NGEF: variants seen among roughly 807,000 people sequenced by gnomAD.
NGEF encodes the protein ephexin-1.
Under a neutral mutation model 80.9 loss-of-function variants are expected in NGEF, and 31 were observed. That is an observed-to-expected ratio of 0.38 (90% CI 0.29 to 0.52). The LOEUF (loss-of-function observed/expected upper bound fraction) is 0.52. Among genes scored for constraint, NGEF ranks in the 20% least tolerant of loss-of-function variants. The probability of loss-of-function intolerance (pLI) is 0.84; values close to 1 mark genes in which losing one functional copy is unlikely to be tolerated. For synonymous variants in NGEF, 371 were observed against 370.2 expected, an observed-to-expected ratio of 1.00 and a Z score of -0.03; for missense variants, 709 against 926.2, an observed-to-expected ratio of 0.77 and a Z score of 3.04.
Position 232,891,292 on chromosome 2 carries a change from G to A in NGEF, c.1272+66C>T, listed in dbSNP as rs147759375. On this transcript the variant is annotated intron_variant, in intron 8 of 14. Coordinates refer to ENST00000264051, the MANE Select transcript of NGEF (RefSeq NM_019850.3). Reference sequence around the variant, plus strand: ...AGTAGACCTCCTAGAAAGCTGACAGGGCCCGGGAATGACCACAGCAAAGCC... The same window carrying A: ...AGTAGACCTCCTAGAAAGCTGACAGAGCCCGGGAATGACCACAGCAAAGCC... 4.4e-6 allele frequency: 7 copies of A among 1,591,660 alleles called. No homozygotes were observed. In the East Asian group the frequency reaches 1.6e-4, roughly 36 times the overall value.
At chr2:232,935,316 T>A (rs1693306788) in intron 3 of NGEF, among the ~76,000 whole-genome samples, 1 of 152,140 alleles carries the variant, frequency 6.6e-6, no homozygotes, top group African/African-American at 2.4e-5. Context: ...ACCAAAGGGT[T>A]AAATTAGAAA....
chr2:232,967,795 T>A (rs1694096992), intron 3 of NGEF, among the ~76,000 whole-genome samples: 2 of 152,082 alleles, frequency 1.3e-5, no homozygotes, highest in South Asian at 4.2e-4. Context: ...CACCTTGTCC[T>A]AGGATTCTGC....
chr2:232,959,490 A>G (rs924803916), intron 3 of NGEF, among the ~76,000 whole-genome samples: 2 of 152,198 alleles, frequency 1.3e-5, no homozygotes, highest in African/African-American at 4.8e-5. Flanking sequence ...AACAGTGTGG[A>G]AATGGGACAT....
intron 8 of NGEF, among the ~76,000 whole-genome samples, chr2:232,890,398 G>A (rs550788092): frequency 1.7e-4 from 26 of 152,246 alleles, no homozygotes; most frequent in African/African-American, 5.1e-4. Flanking sequence ...GCCTGGCTGC[G>A]TCCCTGAGTT....
intron 3 of NGEF, among the ~76,000 whole-genome samples, chr2:232,933,119 TAAATAAATA>T (rs2106290236): frequency 6.9e-6 from 1 of 144,644 alleles, no homozygotes; most frequent in South Asian, 2.2e-4. Context: ...CAAAAATAAA[TAAATAAATA>T]AATAAATAAA....
intron 5 of NGEF, among the ~76,000 whole-genome samples, chr2:232,912,638 C>A (rs1456939510): frequency 6.6e-6 from 1 of 152,066 alleles, no homozygotes; most frequent in Non-Finnish European, 1.5e-5. Context: ...ACTTATGGGC[C>A]TACAGATGGC....
At chr2:232,915,095 T>A (rs564737464) in intron 5 of NGEF, among the ~76,000 whole-genome samples, 31 of 152,058 alleles carry the variant, frequency 2.0e-4, no homozygotes, top group African/African-American at 7.2e-4. Context: ...CCAGCCTAAG[T>A]AACCCCAGAC....
intron 4 of NGEF, among the ~76,000 whole-genome samples, chr2:232,922,118 A>G (rs1003657417): frequency 2.6e-5 from 4 of 152,242 alleles, no homozygotes; most frequent in African/African-American, 9.6e-5. Flanking sequence ...CTATGAGACA[A>G]AGATGATTCC....
At chr2:232,982,792 G>C (rs984263294) in intron 1 of NGEF, among the ~76,000 whole-genome samples, 2 of 152,252 alleles carry the variant, frequency 1.3e-5, no homozygotes, top group African/African-American at 4.8e-5. Flanking sequence ...GGGATTACAG[G>C]CTTGAGCCAC....
At chr2:232,984,845 G>A (rs368265932) in intron 1 of NGEF, among the ~76,000 whole-genome samples, 5 of 152,204 alleles carry the variant, frequency 3.3e-5, no homozygotes, top group East Asian at 1.9e-4. Context: ...GCTCTTCAAG[G>A]AACCAAAGGG....
intron 5 of NGEF, among the ~76,000 whole-genome samples, chr2:232,916,647 A>G (rs554752827): frequency 1.1e-4 from 17 of 152,336 alleles, no homozygotes; most frequent in Admixed American, 2.0e-4. Context: ...CGGGCAGGGT[A>G]AGACAAGATA....
At chr2:232,897,612 A>AC (rs763507647) in intron 5 of NGEF, among the ~76,000 whole-genome samples, 12 of 152,098 alleles carry the variant, frequency 7.9e-5, no homozygotes, top group African/African-American at 2.4e-5. Context: ...AGCTGGGAAC[A>AC]CCCCACAGAG....
In NGEF at chr2:232,892,886, G is replaced by A. The variant is rs368065325; in HGVS notation, c.1142+12C>T. The A allele has an allele frequency of 3.2e-5, 51 of 1,611,074 alleles. No individual in the cohort carries two copies. The East Asian group carries it at 6.7e-4, about 21-fold the overall frequency. On this transcript the variant is annotated intron_variant, in intron 7 of 14. Transcript: ENST00000264051. The surrounding 1 kb of genome is among the most constrained non-coding windows in gnomAD (Gnocchi z 4.0). Reference sequence around the variant, plus strand: ...TCCCCCTGCCCCTGAGCCCCTTGCCGGATACACTCACAGCAGCTGCTTATA... The same window carrying A: ...TCCCCCTGCCCCTGAGCCCCTTGCCAGATACACTCACAGCAGCTGCTTATA...
intron 3 of NGEF, among the ~76,000 whole-genome samples, chr2:232,942,185 G>A (rs1438338109): frequency 6.6e-6 from 1 of 152,164 alleles, no homozygotes. Flanking sequence ...TCCAGTGGCT[G>A]GCTGTGTTTG....
chr2:232,998,134 C>G (rs952318586), intron 1 of NGEF, among the ~76,000 whole-genome samples: 1 of 152,194 alleles, frequency 6.6e-6, no homozygotes, highest in African/African-American at 2.4e-5. Context: ...GCTCTTCCCC[C>G]TCTTCCCAGA....
chr2:232,927,603 C>T (rs769239421), intron 3 of NGEF, among the ~76,000 whole-genome samples: 1 of 152,154 alleles, frequency 6.6e-6, no homozygotes, highest in African/African-American at 2.4e-5. Flanking sequence ...GGCCACACGG[C>T]GCGGAAAGGG....
chr2:232,952,769 A>G (rs1346055763), intron 3 of NGEF, among the ~76,000 whole-genome samples: 2 of 150,552 alleles, frequency 1.3e-5, no homozygotes, highest in Non-Finnish European at 3.0e-5. Flanking sequence ...GGAGTTCGAG[A>G]CCAGCCTGGC....
intron 3 of NGEF, among the ~76,000 whole-genome samples, chr2:232,947,108 T>A (rs149487301): frequency 5.7e-4 from 87 of 152,310 alleles, no homozygotes; most frequent in African/African-American, 2.0e-3. Flanking sequence ...TCTCAAACCA[T>A]CACTCTACAG....
intron 1 of NGEF, among the ~76,000 whole-genome samples, chr2:232,983,777 C>T (rs1292555093): frequency 1.3e-5 from 2 of 152,114 alleles, no homozygotes; most frequent in Admixed American, 6.5e-5. Flanking sequence ...CATTGAATAC[C>T]AGTTTAACAA....
Sources: allele counts gnomAD v4.1 joint callset (sites outside exome capture counted in the v4.1 genomes callset), GRCh38; gene constraint gnomAD v4.1.1; non-coding constraint Gnocchi (gnomAD v3.1); transcripts MANE v1.5; gene names NCBI Gene and HGNC (gene_info 2026-07-23, HGNC 2026-07-21).